Variants in EYS observed in about 807,000 individuals in gnomAD.
EYS encodes the protein protein eyes shut homolog.
EYS carries 250 observed loss-of-function variants against 282.1 expected under a neutral mutation model. The observed-to-expected ratio is 0.89, with a 90% CI of 0.80 to 0.98. The LOEUF (loss-of-function observed/expected upper bound fraction) is 0.98. Ranked by LOEUF, EYS falls within the 50% of genes least tolerant of loss-of-function variation. The probability of loss-of-function intolerance (pLI) is 0.00; values close to 1 mark genes in which losing one functional copy is unlikely to be tolerated. For missense variants in EYS, 4,016 were observed against 3,709.0 expected, an observed-to-expected ratio of 1.08 and a Z score of -2.15; for synonymous variants, 1,355 against 1,282.9, an observed-to-expected ratio of 1.06 and a Z score of -1.20.
intron 12 of EYS, among the ~76,000 whole-genome samples, chr6:65,235,529 A>T (rs1044192414): frequency 1.3e-5 from 2 of 152,160 alleles, no homozygotes; most frequent in Admixed American, 1.3e-4. Context: ...TAATGCCAAG[A>T]GGTACAAGCT....
rs199735712 is a variant in EYS, at chr6:64,703,633, T to C, written c.3444-77388A>G. On this transcript the variant is annotated intron_variant, in intron 22 of 42. Transcript: ENST00000503581. Reference sequence around the variant, plus strand: ...GACAATGTGGAGTAATCCAAGTGGATGACTCTTTGGTTCATTACAACATTC... The same window carrying C: ...GACAATGTGGAGTAATCCAAGTGGACGACTCTTTGGTTCATTACAACATTC... Among the ~76,000 whole-genome samples the C allele has an allele frequency of 2.0e-5, 3 of 151,378 alleles. No individual in the cohort carries two copies. In the East Asian group the frequency reaches 5.8e-4, roughly 29 times the overall value.
chr6:64,379,947 C>G (rs758984481), intron 29 of EYS, among the ~76,000 whole-genome samples: 24 of 152,076 alleles, frequency 1.6e-4, no homozygotes, highest in Non-Finnish European at 3.5e-4. Flanking sequence ...TTAACAATGT[C>G]ACAAAACTCA....
intron 42 of EYS, among the ~76,000 whole-genome samples, chr6:63,726,175 G>T (rs1345585219): frequency 6.6e-6 from 1 of 152,126 alleles, no homozygotes; most frequent in East Asian, 1.9e-4. Context: ...TACAGGAAAT[G>T]TATCAGCCAT....
rs556465229 is a variant in EYS at position 65,667,328 on chromosome 6, C to A, written c.-447-27436G>T. 3.3e-5 allele frequency among the ~76,000 whole-genome samples: 5 copies of A among 151,930 alleles called. No individual in the cohort carries two copies. In the East Asian group the frequency reaches 9.7e-4, roughly 29 times the overall value. The stretch of plus-strand genomic sequence containing the variant: ...GTTTACAAAACTCATGTAATCTGTT[C>A]CTTGCCTAATGCTCTCACTTAAATT... On this transcript the variant is annotated intron_variant, in intron 1 of 42. Transcript: ENST00000503581.
At chr6:65,393,017 T>C (rs932850797) in intron 7 of EYS, among the ~76,000 whole-genome samples, 3 of 152,218 alleles carry the variant, frequency 2.0e-5, no homozygotes, top group African/African-American at 7.2e-5. Flanking sequence ...TTCATGTCCT[T>C]TGTAGAGACA....
chr6:63,995,518 A>C (rs1767796101), intron 34 of EYS, among the ~76,000 whole-genome samples: 1 of 152,040 alleles, frequency 6.6e-6, no homozygotes, highest in African/African-American at 2.4e-5. Context: ...TAAAAATAGA[A>C]CTACCATCTG....
chr6:63,904,012 C>A (rs188194302), intron 35 of EYS, among the ~76,000 whole-genome samples: 167 of 152,326 alleles, frequency 1.1e-3, no homozygotes, highest in African/African-American at 3.9e-3. Flanking sequence ...TACTTTAAGG[C>A]AAAGATAACT....
chr6:64,373,057 C>T (rs188326338), intron 29 of EYS, among the ~76,000 whole-genome samples: 51 of 152,208 alleles, frequency 3.4e-4, no homozygotes, highest in Admixed American at 2.7e-3. Context: ...AATTATGTTT[C>T]TGACATTTCA....
At chr6:64,072,816 T>C (rs1468904976) in intron 32 of EYS, among the ~76,000 whole-genome samples, 1 of 151,962 alleles carries the variant, frequency 6.6e-6, no homozygotes, top group Admixed American at 6.6e-5. Context: ...ACTCATATTT[T>C]TGAGATAAGT....
intron 2 of EYS, among the ~76,000 whole-genome samples, chr6:65,554,339 T>C (rs901413708): frequency 5.9e-5 from 9 of 152,200 alleles, no homozygotes; most frequent in African/African-American, 2.2e-4. Context: ...ATTTTTATTA[T>C]TGTATCTTTG....
At chr6:64,487,035 A>T (rs140949034) in intron 26 of EYS, among the ~76,000 whole-genome samples, 2,471 of 151,398 alleles carry the variant, frequency 0.016, 23 homozygotes, top group South Asian at 0.035. Flanking sequence ...CTCATACACC[A>T]TCATTATAGT....
chr6:65,587,391 G>A (rs1341525952), intron 2 of EYS, among the ~76,000 whole-genome samples: 1 of 152,022 alleles, frequency 6.6e-6, no homozygotes, highest in Admixed American at 6.6e-5. Context: ...TTGAATCGTG[G>A]GGGCCATGTC....
chr6:65,006,292 G>T (rs1179108445), intron 13 of EYS, among the ~76,000 whole-genome samples: 1 of 151,608 alleles, frequency 6.6e-6, no homozygotes, highest in South Asian at 2.1e-4. Context: ...TCATTTAAAA[G>T]CCAGGGTAAA....
chr6:64,485,781 A>G (rs1385558333), intron 26 of EYS, among the ~76,000 whole-genome samples: 2 of 151,494 alleles, frequency 1.3e-5, no homozygotes, highest in African/African-American at 2.4e-5. Flanking sequence ...GATGGACTGA[A>G]TTTCATATAA....
chr6:64,294,795 A>G (rs368411810), intron 30 of EYS, among the ~76,000 whole-genome samples: 6 of 152,344 alleles, frequency 3.9e-5, no homozygotes, highest in African/African-American at 7.2e-5. Flanking sequence ...AATTTAAAAA[A>G]TTAAGATTAT....
intron 33 of EYS, among the ~76,000 whole-genome samples, chr6:64,001,325 T>A (rs1009908690): frequency 6.6e-6 from 1 of 152,224 alleles, no homozygotes; most frequent in Non-Finnish European, 1.5e-5. Flanking sequence ...AGGAGATTTT[T>A]GTAAAAATAA....
intron 31 of EYS, among the ~76,000 whole-genome samples, chr6:64,214,813 T>G (rs1429419354): frequency 6.6e-6 from 1 of 152,022 alleles, no homozygotes; most frequent in African/African-American, 2.4e-5. Context: ...TGGAAGGGAA[T>G]TACAACAAGG....
At chr6:64,973,148 A>G (rs1770354358) in intron 14 of EYS, among the ~76,000 whole-genome samples, 1 of 152,080 alleles carries the variant, frequency 6.6e-6, no homozygotes, top group East Asian at 1.9e-4. Context: ...TAGGAGCATA[A>G]TTAAGTAAAA....
chr6:64,940,642 TTAAC>T (rs1484141210), intron 15 of EYS, among the ~76,000 whole-genome samples: 3 of 152,072 alleles, frequency 2.0e-5, no homozygotes, highest in South Asian at 4.1e-4. Flanking sequence ...TTATATATCT[TTAAC>T]TAATCCTAAC....
Sources: gnomAD v4.1 joint callset for allele counts (sites outside exome capture counted in the v4.1 genomes callset) on GRCh38, gnomAD v4.1.1 for gene constraint, MANE v1.5 for transcripts, NCBI Gene and HGNC (gene_info 2026-07-23, HGNC 2026-07-21) for gene names.